The following GALK2 variants were observed in gnomAD, a reference collection of about 807,000 sequenced individuals.
GALK2 encodes galactokinase 2, also known as N-acetylgalactosamine kinase.
In GALK2, 36 loss-of-function variants were observed where a neutral mutation model predicts 52.4. The ratio of observed to expected loss-of-function variants is 0.69; its 90% CI spans 0.53 to 0.91. The LOEUF (loss-of-function observed/expected upper bound fraction) is 0.91. Among genes scored for constraint, GALK2 ranks in the 40% least tolerant of loss-of-function variants. The probability of loss-of-function intolerance (pLI) is 0.00; values close to 1 mark genes in which losing one functional copy is unlikely to be tolerated. For missense variants in GALK2, 579 were observed against 559.1 expected (o/e 1.04, Z -0.36); for synonymous variants, 176 against 199.1 (o/e 0.88, Z 0.98).
chr15:49,227,047 A>C (rs1467037020), intron 3 of GALK2, among the ~76,000 whole-genome samples: 3 of 152,206 alleles, frequency 2.0e-5, no homozygotes, highest in African/African-American at 7.2e-5. Context: ...GTCCTAACAT[A>C]TGGTCTATCC....
downstream of GALK2, chr15:49,334,098 G>T (rs1443016345): frequency 5.7e-6 from 1 of 176,246 alleles, no homozygotes; most frequent in African/African-American, 2.4e-5. Context: ...ATTAAAGAAA[G>T]TTAAAATGTT....
chr15:49,344,558 T>A (rs1478569769), intron 3 of GALK2, among the ~76,000 whole-genome samples: 1 of 152,204 alleles, frequency 6.6e-6, no homozygotes, highest in Non-Finnish European at 1.5e-5. Flanking sequence ...GAGGGAGGAC[T>A]GTAACTCTTT....
chr15:49,165,240 C>T (rs1463140771), intron 1 of GALK2, among the ~76,000 whole-genome samples: 2 of 152,082 alleles, frequency 1.3e-5, no homozygotes, highest in Non-Finnish European at 2.9e-5. Flanking sequence ...GCCTTAAAGA[C>T]AGCAAACCAG....
At chr15:49,361,752 G>T (rs755930906) in intron 3 of GALK2, among the ~76,000 whole-genome samples, 1 of 152,102 alleles carries the variant, frequency 6.6e-6, no homozygotes, top group African/African-American at 2.4e-5. Flanking sequence ...ATTCCTTTGG[G>T]TATATACTCA....
chr15:49,296,697 T>C (rs561033842), intron 8 of GALK2, among the ~76,000 whole-genome samples: 1 of 152,230 alleles, frequency 6.6e-6, no homozygotes, highest in African/African-American at 2.4e-5. Context: ...CCTCCCTGGT[T>C]CAAGAGATTC....
intron 2 of GALK2, among the ~76,000 whole-genome samples, chr15:49,205,943 C>G (rs1566935985): frequency 6.6e-6 from 1 of 152,178 alleles, no homozygotes; most frequent in East Asian, 1.9e-4. Flanking sequence ...TTCATTCTCC[C>G]ACATGTGGCT....
At chr15:49,313,368 T>C (rs980331993) in intron 8 of GALK2, among the ~76,000 whole-genome samples, 2 of 152,236 alleles carry the variant, frequency 1.3e-5, no homozygotes, top group African/African-American at 4.8e-5. Context: ...GATAGCTTTC[T>C]AGAGAGCCAG....
chr15:49,216,889 G>C (rs1177877479), intron 2 of GALK2, among the ~76,000 whole-genome samples: 1 of 152,178 alleles, frequency 6.6e-6, no homozygotes, highest in Non-Finnish European at 1.5e-5. Context: ...ATGCAAGACT[G>C]TCTTTCCTGT....
intron 1 of GALK2, among the ~76,000 whole-genome samples, chr15:49,160,593 G>A (rs1445593760): frequency 1.3e-5 from 2 of 152,032 alleles, no homozygotes; most frequent in East Asian, 1.9e-4. Context: ...GGCCGGGTGC[G>A]GTGGCTCACA....
intron 3 of GALK2, 61 bp downstream of exon 3, chr15:49,217,374 T>TC: frequency 7.0e-7 from 1 of 1,430,784 alleles, no homozygotes; most frequent in Non-Finnish European, 9.4e-7. Flanking sequence ...CCAAATGAAC[T>TC]CTTTAGGAGA....
intron 3 of GALK2, among the ~76,000 whole-genome samples, chr15:49,218,766 A>G (rs991062227): frequency 6.6e-6 from 1 of 152,190 alleles, no homozygotes; most frequent in Non-Finnish European, 1.5e-5. Flanking sequence ...GTACGAATAT[A>G]TGTGTGGACA....
chr15:49,299,184 C>G (rs1444167850), intron 8 of GALK2, among the ~76,000 whole-genome samples: 2 of 151,970 alleles, frequency 1.3e-5, no homozygotes, highest in East Asian at 3.9e-4. Flanking sequence ...ACAGAGGTGT[C>G]CACAATAGTG....
At chr15:49,187,631 C>A (rs1193948715) in intron 1 of GALK2, among the ~76,000 whole-genome samples, 1 of 152,144 alleles carries the variant, frequency 6.6e-6, no homozygotes, top group Non-Finnish European at 1.5e-5. Flanking sequence ...AGCTGGCACC[C>A]AAGCTGCAAG....
chr15:49,168,266 A>G (rs685172), upstream of GALK2, among the ~76,000 whole-genome samples: 79,119 of 152,124 alleles, frequency 0.52, 21,192 homozygotes, highest in Admixed American at 0.63. Flanking sequence ...TCAAGTACAT[A>G]TTCAGTAGGA....
At chr15:49,325,391 A>T (rs2037305339) in intron 9 of GALK2, among the ~76,000 whole-genome samples, 2 of 152,166 alleles carry the variant, frequency 1.3e-5, no homozygotes, top group South Asian at 4.1e-4. Context: ...ATAGCTCAGG[A>T]GATATATTTT....
At chr15:49,207,112 C>G (rs1368434958) in intron 2 of GALK2, among the ~76,000 whole-genome samples, 1 of 152,088 alleles carries the variant, frequency 6.6e-6, no homozygotes, top group Non-Finnish European at 1.5e-5. Flanking sequence ...TTTTTGTTTT[C>G]TATTCTGTTT....
At chr15:49,213,055 C>G (rs2089055830) in intron 2 of GALK2, among the ~76,000 whole-genome samples, 2 of 152,230 alleles carry the variant, frequency 1.3e-5, no homozygotes, top group South Asian at 4.1e-4. Context: ...TTGATTTTCT[C>G]CCTGGATAAA....
At chr15:49,312,505 C>G (rs1439810704) in intron 8 of GALK2, among the ~76,000 whole-genome samples, 1 of 152,162 alleles carries the variant, frequency 6.6e-6, no homozygotes, top group Non-Finnish European at 1.5e-5. Context: ...GTTGGCTTCT[C>G]TGGTTTTGAG....
chr15:49,308,003 T>G (rs1199722820), intron 8 of GALK2, among the ~76,000 whole-genome samples: 1 of 152,262 alleles, frequency 6.6e-6, no homozygotes, highest in African/African-American at 2.4e-5. Flanking sequence ...GTTTATTTTT[T>G]GTGGGTTTGA....
Sources: gnomAD v4.1 joint callset for allele counts (sites outside exome capture counted in the v4.1 genomes callset) on GRCh38, gnomAD v4.1.1 for gene constraint, MANE v1.5 for transcripts, NCBI Gene and HGNC (gene_info 2026-07-23, HGNC 2026-07-21) for gene names.